RETREG1: variants seen among roughly 807,000 people sequenced by gnomAD.
RETREG1 encodes reticulophagy regulator 1.
A neutral mutation model predicts 54.8 loss-of-function variants in RETREG1; 44 were observed. That is an observed-to-expected ratio of 0.80 (90% CI 0.63 to 1.03). RETREG1 has a LOEUF of 1.03. Among genes scored for constraint, RETREG1 ranks in the 50% least tolerant of loss-of-function variants. The probability of loss-of-function intolerance (pLI) is 0.00; values close to 1 mark genes in which losing one functional copy is unlikely to be tolerated. For synonymous variants in RETREG1, 217 were observed against 238.5 expected, an observed-to-expected ratio of 0.91 and a Z score of 0.83; for missense variants, 554 against 605.1, an observed-to-expected ratio of 0.92 and a Z score of 0.89.
At position 16,597,245 on chromosome 5, in the gene RETREG1, T is replaced by C. The variant is rs906287685; in HGVS notation, c.320+19407A>G. Among the ~76,000 whole-genome samples, 1 of 152,190 alleles carries C rather than the reference T, an allele frequency of 6.6e-6. No individual in the cohort carries two copies. Among genetic ancestry groups the C allele is most frequent in the Admixed American group, 6.5e-5 (1 of 15,276 alleles). ...CTGTGCCTCAGTGTCATTGTGAATATTAGTAACGACACCTACCTCCTCCAA... is the reference window on the plus strand; with the variant it reads ...CTGTGCCTCAGTGTCATTGTGAATACTAGTAACGACACCTACCTCCTCCAA... On this transcript the variant is annotated intron_variant, in intron 1 of 8. Transcript: ENST00000306320. This position sits in a 1 kb window ranked among gnomAD's most constrained non-coding sequence, Gnocchi z 4.3.
Position 16,594,462 on chromosome 5 carries a change from C to T in RETREG1, c.320+22190G>A, listed in dbSNP as rs1264835700. ...TTTTTCAGTTGGGCGTGGTGGCTCA[C>T]ACCTATAATCCGTGCACTTTGAGAG... On this transcript the variant is annotated intron_variant, in intron 1 of 8. Coordinates refer to ENST00000306320, the MANE Select transcript of RETREG1 (RefSeq NM_001034850.3). This position sits in a 1 kb window ranked among gnomAD's most constrained non-coding sequence, Gnocchi z 4.4. Among the ~76,000 whole-genome samples, 1 of 152,008 alleles carries T rather than the reference C, an allele frequency of 6.6e-6. No individual in the cohort carries two copies. Among genetic ancestry groups the T allele is most frequent in the African/African-American group, 2.4e-5 (1 of 41,366 alleles).
chr5:16,546,645 G>A (rs1350366214), intron 3 of RETREG1, among the ~76,000 whole-genome samples: 3 of 152,240 alleles, frequency 2.0e-5, no homozygotes, highest in African/African-American at 7.2e-5. Context: ...ATTGGTGCCA[G>A]ATTCCAATTT....
rs1742935104 is a variant in RETREG1 at position 16,597,483 on chromosome 5, ACT to A, written c.320+19167_320+19168del. ...AAAGCACATTGCCTTTCTCTGCTGG[ACT>A]CTGAGTACCCTTGGGGAGTCCAGGA... is the stretch of plus-strand genomic sequence containing the variant. On this transcript the variant is annotated intron_variant, in intron 1 of 8. Coordinates refer to ENST00000306320, the MANE Select transcript of RETREG1 (RefSeq NM_001034850.3). The surrounding 1 kb of genome is among the most constrained non-coding windows in gnomAD (Gnocchi z 4.3). 6.6e-6 allele frequency among the ~76,000 whole-genome samples: 1 copy of A among 152,012 alleles called. No individual in the cohort carries two copies. Among genetic ancestry groups the A allele is most frequent in the Non-Finnish European group, 1.5e-5 (1 of 67,998 alleles).
intron 3 of RETREG1, among the ~76,000 whole-genome samples, chr5:16,537,480 G>A (rs1019945426): frequency 2.0e-5 from 3 of 152,192 alleles, no homozygotes; most frequent in African/African-American, 7.2e-5. Flanking sequence ...AAGGTGTTAA[G>A]TTCTTTAAAG....
chr5:16,543,856 A>G (rs1741314036), intron 3 of RETREG1, among the ~76,000 whole-genome samples: 1 of 151,872 alleles, frequency 6.6e-6, no homozygotes, highest in African/African-American at 2.4e-5. Flanking sequence ...CATTGTGGTT[A>G]TAATTCGCCA....
At chr5:16,545,538 A>G (rs924086865) in intron 3 of RETREG1, among the ~76,000 whole-genome samples, 1 of 152,176 alleles carries the variant, frequency 6.6e-6, no homozygotes, top group Admixed American at 6.5e-5. Flanking sequence ...TGCCTGGCAA[A>G]TACTAAGCAC....
intron 3 of RETREG1, among the ~76,000 whole-genome samples, chr5:16,556,353 G>C (rs946343957): frequency 6.6e-6 from 1 of 151,872 alleles, no homozygotes; most frequent in Admixed American, 6.6e-5. Context: ...GTAGAGACGG[G>C]GTTTCACTGT....
chr5:16,488,546 C>A (rs529455551), intron 3 of RETREG1, among the ~76,000 whole-genome samples: 1 of 152,222 alleles, frequency 6.6e-6, no homozygotes, highest in Non-Finnish European at 1.5e-5. Flanking sequence ...GTGGGGGATT[C>A]CTGGAGTCTT....
At chr5:16,565,915 C>T in intron 2 of RETREG1, 122 bp from the exon 3 acceptor site, 11 of 1,039,148 alleles carry the variant, frequency 1.1e-5, no homozygotes, top group Non-Finnish European at 1.6e-5. Flanking sequence ...ACACTCAGGA[C>T]ACCATCAAGT....
chr5:16,610,491 T>A (rs1390929118), intron 1 of RETREG1, among the ~76,000 whole-genome samples: 3 of 151,920 alleles, frequency 2.0e-5, no homozygotes, highest in African/African-American at 7.3e-5. Context: ...TGGGAGAAAA[T>A]TTTTGCAATC....
intron 3 of RETREG1, among the ~76,000 whole-genome samples, chr5:16,525,230 G>A (rs1357166195): frequency 6.6e-6 from 1 of 151,150 alleles, no homozygotes; most frequent in Non-Finnish European, 1.5e-5. Flanking sequence ...ATTTGCGAGG[G>A]GGACACTGTG....
At chr5:16,550,977 G>A (rs1741519351) in intron 3 of RETREG1, among the ~76,000 whole-genome samples, 1 of 152,226 alleles carries the variant, frequency 6.6e-6, no homozygotes, top group Non-Finnish European at 1.5e-5. Flanking sequence ...AATGGTTACA[G>A]AATTCCTTTT....
At chr5:16,612,333 T>C (rs1437078431) in intron 1 of RETREG1, among the ~76,000 whole-genome samples, 4 of 152,062 alleles carry the variant, frequency 2.6e-5, no homozygotes, top group Admixed American at 6.5e-5. Flanking sequence ...AAAAAGTTGA[T>C]ATTTAAAAAA....
intron 1 of RETREG1, among the ~76,000 whole-genome samples, chr5:16,584,997 C>T (rs1428914685): frequency 2.0e-5 from 3 of 151,240 alleles, no homozygotes; most frequent in African/African-American, 4.9e-5. Context: ...TAGGGAAGTA[C>T]TTCTTTAGTT....
intron 6 of RETREG1, 124 bp downstream of exon 6, chr5:16,478,726 T>G: frequency 1.2e-6 from 1 of 869,392 alleles, no homozygotes; most frequent in East Asian, 2.5e-5. Context: ...TGAGGGAGAT[T>G]AGCTTCTATA....
intron 3 of RETREG1, among the ~76,000 whole-genome samples, chr5:16,520,514 G>C (rs1213839235): frequency 6.6e-6 from 1 of 151,996 alleles, no homozygotes; most frequent in Non-Finnish European, 1.5e-5. Flanking sequence ...ATTTTTAGTA[G>C]AGACAGGGTT....
At chr5:16,543,862 C>T (rs1741314094) in intron 3 of RETREG1, among the ~76,000 whole-genome samples, 1 of 151,686 alleles carries the variant, frequency 6.6e-6, no homozygotes, top group African/African-American at 2.4e-5. Context: ...GGTTATAATT[C>T]GCCACTTTAC....
At chr5:16,579,987 GTT>G in intron 1 of RETREG1, among the ~76,000 whole-genome samples, 1 of 152,306 alleles carries the variant, frequency 6.6e-6, no homozygotes, top group East Asian at 1.9e-4. Context: ...AATTTTAACA[GTT>G]CCATCAGCAT....
At chr5:16,488,581 CGT>C (rs1483767860) in intron 3 of RETREG1, among the ~76,000 whole-genome samples, 1 of 151,974 alleles carries the variant, frequency 6.6e-6, no homozygotes, top group Non-Finnish European at 1.5e-5. Flanking sequence ...CTGGCACAGG[CGT>C]GTGAGGAGCC....
Sources: allele counts gnomAD v4.1 joint callset (sites outside exome capture counted in the v4.1 genomes callset), GRCh38; gene constraint gnomAD v4.1.1; non-coding constraint Gnocchi (gnomAD v3.1); transcripts MANE v1.5; gene names NCBI Gene and HGNC (gene_info 2026-07-23, HGNC 2026-07-21).